The following CACNB4 variants were observed in gnomAD, a reference collection of about 807,000 sequenced individuals.
The protein encoded by CACNB4 is voltage-dependent L-type calcium channel subunit beta-4.
CACNB4 carries 32 observed loss-of-function variants against 71.2 expected under a neutral mutation model. That is an observed-to-expected ratio of 0.45 (90% CI 0.34 to 0.60). The LOEUF is 0.60. Ranked by LOEUF, CACNB4 falls within the 20% of genes least tolerant of loss-of-function variation. CACNB4 has a pLI of 0.01. For missense variants in CACNB4, 464 were observed against 647.9 expected (o/e 0.72, Z 3.08); for synonymous variants, 231 against 236.9 (o/e 0.97, Z 0.23).
intron 2 of CACNB4, among the ~76,000 whole-genome samples, chr2:151,947,075 A>C (rs904079459): frequency 6.6e-6 from 1 of 152,204 alleles, no homozygotes; most frequent in Non-Finnish European, 1.5e-5. Flanking sequence ...TGTGAAAAAA[A>C]AGAGCAGTCC....
At chr2:151,940,021 C>T (rs916272288) in intron 2 of CACNB4, among the ~76,000 whole-genome samples, 5 of 152,086 alleles carry the variant, frequency 3.3e-5, no homozygotes, top group Non-Finnish European at 5.9e-5. Flanking sequence ...TGAAATCAAT[C>T]TAAAAAAATT....
intron 2 of CACNB4, among the ~76,000 whole-genome samples, chr2:152,039,420 A>AC (rs202169839): frequency 0.017 from 2,570 of 151,760 alleles, 86 homozygotes; most frequent in African/African-American, 0.057. Context: ...TGTCTCAAAA[A>AC]AAAAAAAAAG....
At chr2:152,064,861 T>A (rs1256321625) in intron 2 of CACNB4, among the ~76,000 whole-genome samples, 2 of 152,074 alleles carry the variant, frequency 1.3e-5, no homozygotes, top group African/African-American at 4.8e-5. Context: ...TAGATTGTCA[T>A]AAAATCCAAG....
intron 2 of CACNB4, among the ~76,000 whole-genome samples, chr2:151,958,133 T>A (rs2151687128): frequency 6.6e-6 from 1 of 152,300 alleles, no homozygotes; most frequent in Non-Finnish European, 1.5e-5. Flanking sequence ...CATAAATTAA[T>A]GGCTAGAAAC....
Position 152,098,416 on chromosome 2 carries a change from GGACTC to G in CACNB4, c.64-8_64-4del, listed in dbSNP as rs370039675. On this transcript the variant is annotated splice_polypyrimidine_tract_variant and splice_region_variant and intron_variant, in intron 1 of 13. Transcript: ENST00000539935. The surrounding 1 kb of genome is among the most constrained non-coding windows in gnomAD (Gnocchi z 5.3). ...CGGGTTGTGGTGCCTCGGGCCACCT[GGACTC>G]GACACACGGGGGCCAGAGAGAAGCC... is the stretch of plus-strand genomic sequence containing the variant. The G allele has an allele frequency of 1.2e-6, 2 of 1,610,826 alleles. No homozygotes were observed. Among genetic ancestry groups the G allele is most frequent in the Non-Finnish European group, 1.7e-6 (2 of 1,177,170 alleles).
chr2:151,929,633 G>A (rs1018464709), intron 2 of CACNB4, among the ~76,000 whole-genome samples: 9 of 152,282 alleles, frequency 5.9e-5, no homozygotes, highest in African/African-American at 1.9e-4. Context: ...TAATATGACT[G>A]TATACCTGGG....
chr2:151,890,354 G>A (rs1337803854), intron 2 of CACNB4, among the ~76,000 whole-genome samples: 1 of 152,152 alleles, frequency 6.6e-6, no homozygotes, highest in Non-Finnish European at 1.5e-5. Context: ...GTTCATAAAA[G>A]GCTGTTAAAG....
At chr2:151,863,929 A>T (rs62175662) in intron 9 of CACNB4, among the ~76,000 whole-genome samples, 4,519 of 152,288 alleles carry the variant, frequency 0.03, 64 homozygotes, top group African/African-American at 0.04. Context: ...ACAAAATAGG[A>T]GTTTCCCTTT....
At chr2:151,949,600 A>C (rs2099866408) in intron 2 of CACNB4, among the ~76,000 whole-genome samples, 1 of 152,144 alleles carries the variant, frequency 6.6e-6, no homozygotes, top group African/African-American at 2.4e-5. Flanking sequence ...GCTGTGAGAA[A>C]GAGGGAGAAG....
At position 151,872,446 on chromosome 2, in the gene CACNB4, C is replaced by T; in HGVS notation, c.569G>A (p.Gly190Glu). The T allele has an allele frequency of 6.2e-7, 1 of 1,605,432 alleles. No homozygotes were observed. Among genetic ancestry groups the T allele is most frequent in the Non-Finnish European group, 8.5e-7 (1 of 1,173,598 alleles). ...SSSSLGEMVS[G>E]TFRATPTSTA... The stretch of plus-strand genomic sequence containing the variant: ...TGATGTGGGAGTTGCTCGGAATGTC[C>T]CAGATACCATTTCTCCAAGACTTGA... Residue 190 changes from glycine (G) to glutamate (E), a missense_variant, in exon 6 of 14, where the codon GGG becomes GAG. Physicochemically the swap from Gly to Glu is moderately conservative, Grantham distance 98. Around this residue, in one of 3 missense-constraint regions of CACNB4, gnomAD observed 299 missense variants for 471.7 expected, o/e 0.63. Coordinates refer to ENST00000539935, the MANE Select transcript of CACNB4 (RefSeq NM_000726.5).
At position 152,098,572 on chromosome 2, in the gene CACNB4, C is replaced by T. The variant is rs1688412951; in HGVS notation, c.64-159G>A. 1.2e-6 allele frequency: 1 copy of T among 851,114 alleles called. No homozygotes were observed. The highest frequency in any genetic ancestry group is 1.7e-5 in the African/African-American group (1 of 60,036). 52.7% of individuals were successfully genotyped at this position (851,114 alleles called of 1,614,324 possible). On this transcript the variant is annotated intron_variant, in intron 1 of 13. Coordinates refer to ENST00000539935, the MANE Select transcript of CACNB4 (RefSeq NM_000726.5). This position sits in a 1 kb window ranked among gnomAD's most constrained non-coding sequence, Gnocchi z 5.3. ...CGCGACTCCCAAATACAGCCCCCAC[C>T]CCCACCCACCCACTGCAAGCCTCGA...
intron 2 of CACNB4, among the ~76,000 whole-genome samples, chr2:152,096,627 A>T (rs903700080): frequency 1.2e-4 from 18 of 152,200 alleles, no homozygotes; most frequent in African/African-American, 2.4e-4. Context: ...ATATTTATTT[A>T]AAAAAATCTA....
chr2:152,085,667 C>T (rs899453773), intron 2 of CACNB4, among the ~76,000 whole-genome samples: 14 of 152,080 alleles, frequency 9.2e-5, no homozygotes, highest in Non-Finnish European at 7.4e-5. Context: ...ACTCCAAGGT[C>T]TGGCTTTGTG....
chr2:151,853,130 C>T, intron 12 of CACNB4: 1 of 234,338 alleles, frequency 4.3e-6, no homozygotes, highest in Non-Finnish European at 8.2e-6. Context: ...TTCTTTTGTT[C>T]TTTTCTTAAG....
chr2:151,965,427 T>C (rs1345278340), intron 2 of CACNB4, among the ~76,000 whole-genome samples: 1 of 152,202 alleles, frequency 6.6e-6, no homozygotes, highest in East Asian at 1.9e-4. Flanking sequence ...AATGACTGTC[T>C]CCTAGAATTG....
chr2:151,957,170 T>G lies in CACNB4; in HGVS notation c.148-73800A>C, dbSNP rs140042673. Among the ~76,000 whole-genome samples, 10 of 151,644 alleles carry G rather than the reference T, an allele frequency of 6.6e-5. 1 individual carries two copies. The highest frequency in any genetic ancestry group is 2.4e-4 in the African/African-American group (10 of 41,310). ...TCCATCTCAAAAAAAAGAAAGAATA[T>G]AGGCCTTTTAATTTCCTAAACCTGC... On this transcript the variant is annotated intron_variant, in intron 2 of 13. Coordinates refer to ENST00000539935, the MANE Select transcript of CACNB4 (RefSeq NM_000726.5).
chr2:152,043,821 C>T (rs1579190188), intron 2 of CACNB4, among the ~76,000 whole-genome samples: 1 of 152,302 alleles, frequency 6.6e-6, no homozygotes, highest in East Asian at 1.9e-4. Flanking sequence ...AACTGAGCAA[C>T]ATCATTCTTC....
chr2:151,887,272 T>C lies in CACNB4; in HGVS notation c.148-3902A>G, dbSNP rs149934628. ...TTTATCAAATGATCTAAAACTGAGC[T>C]GTTAACCCACGTGTAAGAAACATGA... On this transcript the variant is annotated intron_variant, in intron 2 of 13. Transcript: ENST00000539935. Among the ~76,000 whole-genome samples, 4 of 151,970 alleles carry C rather than the reference T, an allele frequency of 2.6e-5. No individual in the cohort carries two copies. In the East Asian group the frequency reaches 7.7e-4, roughly 29 times the overall value.
At chr2:152,083,793 C>T (rs1687498936) in intron 2 of CACNB4, among the ~76,000 whole-genome samples, 1 of 152,208 alleles carries the variant, frequency 6.6e-6, no homozygotes, top group Non-Finnish European at 1.5e-5. Flanking sequence ...TCCTCATCCA[C>T]TTCCCTTTCT....
Sources: gnomAD v4.1 joint callset for allele counts (sites outside exome capture counted in the v4.1 genomes callset) on GRCh38, gnomAD v4.1.1 for gene constraint, gnomAD v4.1.1 regional missense constraint, Gnocchi (gnomAD v3.1) non-coding constraint, MANE v1.5 for transcripts, NCBI Gene and HGNC (gene_info 2026-07-23, HGNC 2026-07-21) for gene names.